COL23A1: variants seen among roughly 807,000 people sequenced by gnomAD.
COL23A1 encodes collagen alpha-1(XXIII) chain.
COL23A1 carries 97 observed loss-of-function variants against 99.3 expected under a neutral mutation model. The ratio of observed to expected loss-of-function variants is 0.98; its 90% CI spans 0.83 to 1.16. COL23A1 has a LOEUF of 1.16. Among genes scored for constraint, COL23A1 ranks in the 50% most tolerant of loss-of-function variants. The pLI is 0.00. For missense variants in COL23A1, 762 were observed against 757.4 expected, an observed-to-expected ratio of 1.01 and a Z score of -0.07; for synonymous variants, 320 against 308.2, an observed-to-expected ratio of 1.04 and a Z score of -0.40.
intron 12 of COL23A1, among the ~76,000 whole-genome samples, chr5:178,257,931 T>C (rs1200010140): frequency 2.0e-5 from 3 of 152,208 alleles, no homozygotes; most frequent in Non-Finnish European, 4.4e-5. Context: ...GCTGGCACTG[T>C]GGCTCACGCC....
At position 178,247,786 on chromosome 5, in the gene COL23A1, G is replaced by A; in HGVS notation, c.1258C>T (p.Pro420Ser). ...EPGPPGPPGP[P>S]GPMGLQGIQG... ...CAAACCGTCCTTACCATCGGGCCTG[G>A]GGGGCCAGGGGGGCCAGGGGGCCCT... Residue 420 changes from proline to serine, a missense_variant, in exon 21 of 29, where the codon CCA (proline) becomes TCA (serine). Physicochemically the swap from Pro to Ser is moderately conservative, Grantham distance 74. Transcript: ENST00000390654. 1.2e-6 allele frequency: 2 copies of A among 1,611,370 alleles called. No homozygotes were observed. Among genetic ancestry groups the A allele is most frequent in the Non-Finnish European group, 1.7e-6 (2 of 1,178,806 alleles).
chr5:178,335,664 CA>C (rs1760276361), intron 2 of COL23A1, among the ~76,000 whole-genome samples: 1 of 152,014 alleles, frequency 6.6e-6, no homozygotes, highest in South Asian at 2.1e-4. Context: ...GAGGAGAGAC[CA>C]AAAAGGAGTT....
chr5:178,412,930 C>T lies in COL23A1; in HGVS notation c.362-106011G>A, dbSNP rs547026149. Among the ~76,000 whole-genome samples the T allele has an allele frequency of 5.3e-5, 8 of 151,960 alleles. No homozygotes were observed. In the South Asian group the frequency reaches 1.5e-3, roughly 28 times the overall value. ...GGAAATGTTGTTTCCAGTCTTCACC[C>T]AAGAATGACAGCACAGCCATATATG... On this transcript the variant is annotated intron_variant, in intron 2 of 28. Transcript: ENST00000390654.
At chr5:178,583,902 C>T (rs1763784751) in intron 1 of COL23A1, among the ~76,000 whole-genome samples, 1 of 152,232 alleles carries the variant, frequency 6.6e-6, no homozygotes, top group South Asian at 2.1e-4. Context: ...CTCAGTCTGT[C>T]ACCCAGGCTG....
At chr5:178,559,079 C>T (rs971747094) in intron 2 of COL23A1, among the ~76,000 whole-genome samples, 5 of 152,216 alleles carry the variant, frequency 3.3e-5, no homozygotes, top group African/African-American at 1.2e-4. Context: ...CGTGGGCCAC[C>T]GCGCCCGGCC....
intron 2 of COL23A1, among the ~76,000 whole-genome samples, chr5:178,511,491 T>A (rs1168879213): frequency 6.6e-6 from 1 of 152,246 alleles, no homozygotes; most frequent in Admixed American, 6.5e-5. Context: ...ATGGGATGCA[T>A]GCTTGTTAAA....
At position 178,544,750 on chromosome 5, in the gene COL23A1, GC is replaced by G. The variant is rs1761488762; in HGVS notation, c.361+15931del. ...GGGCTCAGCCTCCAGGTCACCTGCT[GC>G]CCCCGTGCCACTGGGGTAGTACGTT... On this transcript the variant is annotated intron_variant, in intron 2 of 28. Coordinates refer to ENST00000390654, the MANE Select transcript of COL23A1 (RefSeq NM_173465.4). The surrounding 1 kb of genome is among the most constrained non-coding windows in gnomAD (Gnocchi z 4.4). Among the ~76,000 whole-genome samples the G allele has an allele frequency of 6.6e-6, 1 of 152,268 alleles. No homozygotes were observed. Among genetic ancestry groups the G allele is most frequent in the Admixed American group, 6.5e-5 (1 of 15,296 alleles).
At chr5:178,447,017 C>G (rs1002203411) in intron 2 of COL23A1, among the ~76,000 whole-genome samples, 2 of 152,124 alleles carry the variant, frequency 1.3e-5, no homozygotes, top group African/African-American at 4.8e-5. Context: ...GCTGTTAGGA[C>G]ATAGAATTAC....
At chr5:178,311,635 T>C (rs1441812618) in intron 2 of COL23A1, among the ~76,000 whole-genome samples, 2 of 147,138 alleles carry the variant, frequency 1.4e-5, no homozygotes, top group East Asian at 3.9e-4. Flanking sequence ...TCACTGCAGC[T>C]TCACACGTCT....
intron 2 of COL23A1, among the ~76,000 whole-genome samples, chr5:178,426,701 A>C (rs180743322): frequency 2.1e-4 from 32 of 152,318 alleles, no homozygotes; most frequent in Non-Finnish European, 8.8e-5. Flanking sequence ...GAGAGAGAAA[A>C]TATTTGCAAA....
intron 2 of COL23A1, among the ~76,000 whole-genome samples, chr5:178,481,261 G>A (rs1757324837): frequency 6.6e-6 from 1 of 151,448 alleles, no homozygotes; most frequent in Non-Finnish European, 1.5e-5. Context: ...CTAAACTTAA[G>A]AGTAAAAACT....
chr5:178,298,609 A>G (rs1170838181), intron 3 of COL23A1, among the ~76,000 whole-genome samples: 1 of 152,098 alleles, frequency 6.6e-6, no homozygotes. Context: ...TCTGCCTGTG[A>G]CTTGCTCTCC....
intron 2 of COL23A1, among the ~76,000 whole-genome samples, chr5:178,332,284 G>A (rs73344892): frequency 7.5e-4 from 114 of 152,284 alleles, no homozygotes; most frequent in African/African-American, 2.6e-3. Context: ...TGCTGCCTTG[G>A]CTGCTAGGAT....
chr5:178,274,924 C>T (rs996451008), intron 5 of COL23A1, among the ~76,000 whole-genome samples: 1 of 152,176 alleles, frequency 6.6e-6, no homozygotes, highest in East Asian at 1.9e-4. Context: ...CAGCTGTTTA[C>T]AAGCCTTGGT....
rs902276184 is a variant in COL23A1 at position 178,504,817 on chromosome 5, C to T, written c.361+55865G>A. On this transcript the variant is annotated intron_variant, in intron 2 of 28. Coordinates refer to ENST00000390654, the MANE Select transcript of COL23A1 (RefSeq NM_173465.4). The stretch of plus-strand genomic sequence containing the variant: ...CCACCTGCAGCCAAGTAGGAATGGC[C>T]CCGTGTTGGCAGATGTTCTGATTCT... 8.5e-5 allele frequency among the ~76,000 whole-genome samples: 13 copies of T among 152,106 alleles called. 1 individual carries two copies. The highest frequency in any genetic ancestry group is 1.2e-4 in the African/African-American group (5 of 41,406).
Position 178,318,839 on chromosome 5 carries a change from T to C in COL23A1, c.362-11920A>G, listed in dbSNP as rs139143106. 7.2e-4 allele frequency among the ~76,000 whole-genome samples: 109 copies of C among 150,810 alleles called. 1 individual carries two copies. The East Asian group carries it at 0.018, about 26-fold the overall frequency. ...ATTGCCTGAATCTGGGAGGCAGAGG[T>C]TGCAGCGAGCCGAGATTGTGCCACT... On this transcript the variant is annotated intron_variant, in intron 2 of 28. Coordinates refer to ENST00000390654, the MANE Select transcript of COL23A1 (RefSeq NM_173465.4).
intron 10 of COL23A1, 121 bp from the exon 11 acceptor site, chr5:178,261,869 G>T: frequency 1.2e-6 from 1 of 859,670 alleles, no homozygotes; most frequent in Non-Finnish European, 1.9e-6. Flanking sequence ...AGGCTGGGCT[G>T]CCGTCAGAAG....
At chr5:178,393,048 G>T (rs1437942057) in intron 2 of COL23A1, among the ~76,000 whole-genome samples, 1 of 152,226 alleles carries the variant, frequency 6.6e-6, no homozygotes, top group Non-Finnish European at 1.5e-5. Context: ...CCCACAGCGG[G>T]TGCCTGGCAG....
At chr5:178,312,023 G>A (rs1323118291) in intron 2 of COL23A1, among the ~76,000 whole-genome samples, 2 of 152,250 alleles carry the variant, frequency 1.3e-5, no homozygotes, top group South Asian at 2.1e-4. Flanking sequence ...GGGCTACCGC[G>A]CCCGGCCTGC....
Sources: allele counts gnomAD v4.1 joint callset (sites outside exome capture counted in the v4.1 genomes callset), GRCh38; gene constraint gnomAD v4.1.1; non-coding constraint Gnocchi (gnomAD v3.1); transcripts MANE v1.5; gene names NCBI Gene and HGNC (gene_info 2026-07-23, HGNC 2026-07-21).